Variants in SARNP observed in about 807,000 individuals in gnomAD.
SARNP encodes SAP domain containing ribonucleoprotein.
A neutral mutation model predicts 38.1 loss-of-function variants in SARNP; 5 were observed. The observed-to-expected ratio is 0.13, with a 90% CI of 0.07 to 0.28. SARNP has a LOEUF of 0.28. Ranked by LOEUF, SARNP falls within the 10% of genes least tolerant of loss-of-function variation. SARNP has a pLI of 1.00. For missense variants in SARNP, 180 were observed against 243.9 expected (o/e 0.74, Z 1.75); for synonymous variants, 84 against 80.6 (o/e 1.04, Z -0.23).
chr12:55,795,406 G>A, intron 5 of SARNP, among the ~76,000 whole-genome samples: 1 of 152,014 alleles, frequency 6.6e-6, no homozygotes, highest in East Asian at 1.9e-4. Context: ...ATTACTAGAT[G>A]CCCTCAAAAA....
At position 55,789,066 on chromosome 12, in the gene SARNP, C is replaced by T. The variant is rs1402319875; in HGVS notation, c.501+9G>A. 1.3e-6 allele frequency: 2 copies of T among 1,586,752 alleles called. No individual in the cohort carries two copies. The highest frequency in any genetic ancestry group is 1.7e-6 in the Non-Finnish European group (2 of 1,159,678). On this transcript the variant is annotated intron_variant, in intron 9 of 10. Transcript: ENST00000336133. ...CACAAAAACATTACTTCCATCGAGCCTACATTACCTTTCTGGAGATTGAAG... is the reference window on the plus strand; with the variant it reads ...CACAAAAACATTACTTCCATCGAGCTTACATTACCTTTCTGGAGATTGAAG...
At chr12:55,770,683 C>G (rs1878982459) in intron 9 of SARNP, among the ~76,000 whole-genome samples, 1 of 152,096 alleles carries the variant, frequency 6.6e-6, no homozygotes, top group African/African-American at 2.4e-5. Context: ...TGTCTGTTCC[C>G]TTTTTACAGC....
chr12:55,759,401 GC>G (rs1231060377), intron 10 of SARNP, among the ~76,000 whole-genome samples: 1 of 151,212 alleles, frequency 6.6e-6, no homozygotes, highest in Non-Finnish European at 1.5e-5. Context: ...ATACTAAGTG[GC>G]AAAGCCTTTT....
At chr12:55,811,913 T>C (rs1400130389) in intron 1 of SARNP, among the ~76,000 whole-genome samples, 5 of 152,200 alleles carry the variant, frequency 3.3e-5, no homozygotes, top group Non-Finnish European at 5.9e-5. Context: ...ACTACTCTAG[T>C]CTTTCTTTCA....
chr12:55,775,780 A>T (rs545015845), intron 9 of SARNP, among the ~76,000 whole-genome samples: 36 of 152,252 alleles, frequency 2.4e-4, no homozygotes, highest in Non-Finnish European at 2.6e-4. Context: ...GACCTTCTTC[A>T]GCTATCAGTC....
chr12:55,810,803 G>A (rs989035460), intron 1 of SARNP, among the ~76,000 whole-genome samples: 1 of 151,698 alleles, frequency 6.6e-6, no homozygotes, highest in East Asian at 1.9e-4. Flanking sequence ...TTGGCCAGGC[G>A]CGGTGGCTCA....
At chr12:55,816,387 C>A (rs1880485612) in intron 1 of SARNP, among the ~76,000 whole-genome samples, 1 of 152,038 alleles carries the variant, frequency 6.6e-6, no homozygotes, top group Non-Finnish European at 1.5e-5. Context: ...CAATAAAGAT[C>A]AAGAGACCGC....
intron 1 of SARNP, 152 bp from the exon 2 acceptor site, chr12:55,803,880 T>C: frequency 1.7e-6 from 1 of 573,730 alleles, no homozygotes; most frequent in Non-Finnish European, 3.1e-6. Context: ...TCCACAAAGA[T>C]GATCCATTTT....
chr12:55,805,851 AT>A (rs1287866101), intron 1 of SARNP, among the ~76,000 whole-genome samples: 1 of 152,144 alleles, frequency 6.6e-6, no homozygotes, highest in South Asian at 2.1e-4. Flanking sequence ...TCTCAAAAAA[AT>A]AAATAAAAAT....
chr12:55,790,104 C>T (rs1879620530), intron 8 of SARNP, among the ~76,000 whole-genome samples: 1 of 151,040 alleles, frequency 6.6e-6, no homozygotes, highest in African/African-American at 2.4e-5. Context: ...TGACTAGTCA[C>T]AATGGTCCAG....
intron 1 of SARNP, among the ~76,000 whole-genome samples, chr12:55,813,832 C>G (rs1319784206): frequency 2.0e-5 from 3 of 152,214 alleles, no homozygotes; most frequent in Non-Finnish European, 4.4e-5. Flanking sequence ...GCGTGAGCCA[C>G]TGCACCCAGC....
At chr12:55,757,961 C>G (rs1254403889) in intron 10 of SARNP, among the ~76,000 whole-genome samples, 1 of 152,112 alleles carries the variant, frequency 6.6e-6, no homozygotes, top group African/African-American at 2.4e-5. Flanking sequence ...AAGGATTAAC[C>G]AATGCTATTC....
At chr12:55,767,616 G>C (rs374610012) in intron 9 of SARNP, among the ~76,000 whole-genome samples, 43 of 152,092 alleles carry the variant, frequency 2.8e-4, no homozygotes, top group East Asian at 2.1e-3. Context: ...GGGAGGCCGA[G>C]ACGGGTGGAT....
At chr12:55,768,874 C>T (rs565572989) in intron 9 of SARNP, among the ~76,000 whole-genome samples, 27 of 152,182 alleles carry the variant, frequency 1.8e-4, no homozygotes, top group African/African-American at 6.5e-4. Flanking sequence ...CAGGTGTAAG[C>T]CCTATGCCCA....
At chr12:55,802,736 A>T (rs149488281) in intron 2 of SARNP, among the ~76,000 whole-genome samples, 1 of 151,452 alleles carries the variant, frequency 6.6e-6, no homozygotes, top group East Asian at 1.9e-4. Context: ...TATATACTAT[A>T]TACTATTATA....
chr12:55,757,766 G>A (rs1049585994), intron 10 of SARNP, among the ~76,000 whole-genome samples: 10 of 152,116 alleles, frequency 6.6e-5, no homozygotes, highest in African/African-American at 2.4e-4. Context: ...GGGTAAGGAG[G>A]GTGAGGAGTA....
chr12:55,762,282 C>T (rs1407645025), intron 9 of SARNP, among the ~76,000 whole-genome samples: 2 of 151,456 alleles, frequency 1.3e-5, no homozygotes, highest in African/African-American at 4.9e-5. Flanking sequence ...AGTGGGACTC[C>T]GTCTCCAAAG....
chr12:55,765,899 C>A (rs1055620542), intron 9 of SARNP, among the ~76,000 whole-genome samples: 2 of 152,126 alleles, frequency 1.3e-5, no homozygotes, highest in African/African-American at 4.8e-5. Flanking sequence ...TGATCTCTCT[C>A]ACTTGACCCT....
At chr12:55,778,709 C>T (rs1310228848) in intron 9 of SARNP, among the ~76,000 whole-genome samples, 6 of 152,144 alleles carry the variant, frequency 3.9e-5, no homozygotes, top group East Asian at 1.9e-4. Flanking sequence ...TGGTAGCTCA[C>T]GCCTGTAATC....
Sources: allele counts gnomAD v4.1 joint callset (sites outside exome capture counted in the v4.1 genomes callset), GRCh38; gene constraint gnomAD v4.1.1; transcripts MANE v1.5; gene names NCBI Gene and HGNC (gene_info 2026-07-23, HGNC 2026-07-21).